IFT56: variants seen among roughly 807,000 people sequenced by gnomAD.
IFT56 encodes the protein intraflagellar transport 56.
At chr7:139,172,226 T>C in the IFT56 span, among the ~76,000 whole-genome samples, 3 of 152,222 alleles carry the variant, frequency 2.0e-5, no homozygotes, top group Non-Finnish European at 4.4e-5. Context: ...CTAACCTATG[T>C]ATGCTTCCAC....
the IFT56 span, chr7:139,167,021 C>T: frequency 3.6e-6 from 2 of 554,040 alleles, no homozygotes; most frequent in Non-Finnish European, 6.7e-6. Flanking sequence ...CAGGAAAAGA[C>T]CATATGTATT....
At chr7:139,187,429 C>G in the IFT56 span, 3 of 1,614,066 alleles carry the variant, frequency 1.9e-6, no homozygotes, top group African/African-American at 1.3e-5. Context: ...ACTATTCTGC[C>G]AAAGCTTTTG....
the IFT56 span, chr7:139,173,149 G>A: frequency 1.5e-6 from 1 of 665,562 alleles, no homozygotes; most frequent in Non-Finnish European, 2.8e-6. Context: ...AGGCAGGCTG[G>A]GAGAGAGTTC....
chr7:139,136,897 A>G, the IFT56 span, among the ~76,000 whole-genome samples: 3 of 152,254 alleles, frequency 2.0e-5, no homozygotes, highest in African/African-American at 7.2e-5. Context: ...CAGGGAATTC[A>G]GGGAGACCTC....
At chr7:139,170,294 T>G in the IFT56 span, among the ~76,000 whole-genome samples, 1 of 152,122 alleles carries the variant, frequency 6.6e-6, no homozygotes, top group South Asian at 2.1e-4. Flanking sequence ...AAAGAAAAAC[T>G]AATACCAATC....
At chr7:139,154,949 A>T in the IFT56 span, among the ~76,000 whole-genome samples, 48 of 152,126 alleles carry the variant, frequency 3.2e-4, no homozygotes, top group Middle Eastern at 3.4e-3. Context: ...AAGTCTTTAA[A>T]TCCATTCACA....
the IFT56 span, chr7:139,148,377 G>C: frequency 6.2e-7 from 1 of 1,603,656 alleles, no homozygotes; most frequent in East Asian, 2.2e-5. Context: ...GAGCAGCTGA[G>C]GTATTGATGG....
chr7:139,181,934 A>G, the IFT56 span, among the ~76,000 whole-genome samples: 3 of 152,238 alleles, frequency 2.0e-5, no homozygotes, highest in Non-Finnish European at 4.4e-5. Context: ...CCTGAAAAAC[A>G]GTGAGATTAC....
At chr7:139,172,767 A>G in the IFT56 span, 3 of 635,354 alleles carry the variant, frequency 4.7e-6, no homozygotes, top group South Asian at 2.7e-5. Flanking sequence ...CCTGGTGGGT[A>G]ATTGTCAGGC....
the IFT56 span, among the ~76,000 whole-genome samples, chr7:139,171,275 A>G: frequency 2.0e-5 from 3 of 152,208 alleles, no homozygotes; most frequent in Non-Finnish European, 2.9e-5. Context: ...ACCCAAAGCA[A>G]TCTGCAAATT....
chr7:139,163,160 C>A, the IFT56 span, among the ~76,000 whole-genome samples: 1 of 151,714 alleles, frequency 6.6e-6, no homozygotes, highest in Non-Finnish European at 1.5e-5. Flanking sequence ...CTGATTAACA[C>A]GGTGAAACCC....
At chr7:139,182,459 G>T in the IFT56 span, among the ~76,000 whole-genome samples, 2 of 152,140 alleles carry the variant, frequency 1.3e-5, no homozygotes, top group Non-Finnish European at 2.9e-5. Flanking sequence ...TAGAAGACAG[G>T]AAATTATTTC....
chr7:139,162,687 G>A, the IFT56 span, among the ~76,000 whole-genome samples: 1 of 152,126 alleles, frequency 6.6e-6, no homozygotes, highest in Non-Finnish European at 1.5e-5. Context: ...TTGGCCGGTC[G>A]CGGAGGCTCA....
At chr7:139,173,264 G>C in the IFT56 span, 1 of 376,534 alleles carries the variant, frequency 2.7e-6, no homozygotes, top group African/African-American at 2.6e-5. Flanking sequence ...TCTCGCTCTT[G>C]TTGCCCAGAC....
chr7:139,186,126 C>G, the IFT56 span, among the ~76,000 whole-genome samples: 1 of 150,576 alleles, frequency 6.6e-6, no homozygotes, highest in South Asian at 2.1e-4. Context: ...TTTATGATTG[C>G]CAAGTAAGAA....
At chr7:139,136,256 T>C in the IFT56 span, among the ~76,000 whole-genome samples, 2 of 152,176 alleles carry the variant, frequency 1.3e-5, no homozygotes, top group East Asian at 3.9e-4. Context: ...ACTCTGGTGT[T>C]GAGCGTGTTT....
At chr7:139,154,975 T>C in the IFT56 span, among the ~76,000 whole-genome samples, 3 of 152,134 alleles carry the variant, frequency 2.0e-5, no homozygotes, top group East Asian at 5.8e-4. Flanking sequence ...TGTTTTTCCA[T>C]TTATTTAGGT....
the IFT56 span, among the ~76,000 whole-genome samples, chr7:139,179,251 C>T: frequency 6.6e-6 from 1 of 152,212 alleles, no homozygotes; most frequent in African/African-American, 2.4e-5. Flanking sequence ...AGTATAGTGG[C>T]ATGTGCCATT....
At chr7:139,148,695 C>T in the IFT56 span, among the ~76,000 whole-genome samples, 1 of 151,948 alleles carries the variant, frequency 6.6e-6, no homozygotes, top group Non-Finnish European at 1.5e-5. Flanking sequence ...GAGGCCAAGG[C>T]GGGCAGATCA....
Sources: gnomAD v4.1 joint callset for allele counts (sites outside exome capture counted in the v4.1 genomes callset) on GRCh38, gnomAD v4.1.1 for gene constraint, MANE v1.5 for transcripts, NCBI Gene and HGNC (gene_info 2026-07-23, HGNC 2026-07-21) for gene names.